Variants in ANKFN1 observed in about 807,000 individuals in gnomAD.
ANKFN1 encodes the protein ankyrin repeat and fibronectin type-III domain-containing protein 1.
A neutral mutation model predicts 108.7 loss-of-function variants in ANKFN1; 74 were observed. That is an observed-to-expected ratio of 0.68 (90% confidence interval 0.56 to 0.83). The LOEUF (loss-of-function observed/expected upper bound fraction) is 0.83, where lower values mean the gene tolerates loss of function less well. ANKFN1 is among the 40% of genes least tolerant of loss of function. The probability of loss-of-function intolerance (pLI) is 0.00; values close to 1 mark genes in which losing one functional copy is unlikely to be tolerated. For missense variants in ANKFN1, 1,505 were observed against 1,382.3 expected (o/e 1.09, Z -1.41); for synonymous variants, 547 against 516.2 (o/e 1.06, Z -0.81).
At chr17:56,219,147 T>A (rs2143852249) in intron 2 of ANKFN1, among the ~76,000 whole-genome samples, 1 of 152,332 alleles carries the variant, frequency 6.6e-6, no homozygotes, top group African/African-American at 2.4e-5. Context: ...AAATATTTGA[T>A]AAATAAATAC....
intron 2 of ANKFN1, among the ~76,000 whole-genome samples, chr17:56,220,177 G>C (rs9902365): frequency 0.74 from 112,021 of 152,176 alleles, 42,237 homozygotes; most frequent in East Asian, 0.94. Context: ...AAAGGGGGAG[G>C]TCATCACTTA....
chr17:56,193,002 C>A (rs1357063354), intron 1 of ANKFN1, among the ~76,000 whole-genome samples: 1 of 138,134 alleles, frequency 7.2e-6, no homozygotes, highest in African/African-American at 2.9e-5. Flanking sequence ...GGAACCAACC[C>A]AAATGTCCAA....
chr17:56,075,899 T>C (rs1286709164), intron 4 of ANKFN1, among the ~76,000 whole-genome samples: 1 of 152,180 alleles, frequency 6.6e-6, no homozygotes, highest in Non-Finnish European at 1.5e-5. Flanking sequence ...TTTCATCCCC[T>C]TGTACAATTT....
At chr17:56,438,013 T>C (rs1266460368) in intron 8 of ANKFN1, among the ~76,000 whole-genome samples, 1 of 151,834 alleles carries the variant, frequency 6.6e-6, no homozygotes, top group Non-Finnish European at 1.5e-5. Flanking sequence ...TGTGTATACA[T>C]ATATATGCAT....
chr17:56,199,199 TTA>T (rs774856903), intron 1 of ANKFN1, among the ~76,000 whole-genome samples: 13 of 152,060 alleles, frequency 8.5e-5, no homozygotes, highest in Admixed American at 1.3e-4. Flanking sequence ...TATAGTTGCT[TTA>T]TGTTTTTTGT....
intron 3 of ANKFN1, among the ~76,000 whole-genome samples, chr17:56,311,344 T>C (rs1303444932): frequency 1.3e-5 from 2 of 152,178 alleles, no homozygotes; most frequent in African/African-American, 4.8e-5. Flanking sequence ...AGGGTTGCTG[T>C]GGGGTTCAAA....
rs979370852 is a variant in ANKFN1, at chr17:56,170,896, A to C, written c.-71+17366A>C. ...ATATATCTAGTTACCTGCCCTTACT[A>C]CCACCGCCATACACACATACATCCC... On this transcript the variant is annotated intron_variant, in intron 1 of 20. Transcript: ENST00000682825. Among the ~76,000 whole-genome samples, 9 of 147,876 alleles carry C rather than the reference A, an allele frequency of 6.1e-5. No individual in the cohort carries two copies. In the Admixed American group the frequency reaches 6.1e-4, roughly 10 times the overall value.
chr17:56,224,626 G>A (rs1236697076), intron 2 of ANKFN1: 1 of 152,184 alleles, frequency 6.6e-6, no homozygotes, highest in Non-Finnish European at 1.5e-5. Flanking sequence ...TTTCTAATGA[G>A]TGTCAATTGT....
intron 17 of ANKFN1, 49 bp from the exon 18 acceptor site, chr17:56,482,307 T>A (rs2050734700): frequency 6.8e-7 from 1 of 1,479,684 alleles, no homozygotes; most frequent in Admixed American, 2.2e-5. Flanking sequence ...TTTATGTAAG[T>A]GCCATGTTGT....
chr17:56,052,053 G>T (rs1598083107), intron 4 of ANKFN1, among the ~76,000 whole-genome samples: 1 of 148,868 alleles, frequency 6.7e-6, no homozygotes, highest in East Asian at 2.0e-4. Context: ...TTTCTTCACA[G>T]AATTGGAAAA....
rs1361204716 is a variant in ANKFN1, at chr17:56,466,474, G to A, written c.1676G>A (p.Gly559Asp). Residue 559 changes from glycine (G) to aspartate (D), a missense_variant, in exon 15 of 21, where the codon GGC (glycine) becomes GAC (aspartate). Gly to Asp is a moderately conservative substitution (Grantham distance 94, BLOSUM62 -1). Transcript: ENST00000682825. ...EVEMLYSFFNGKWMQISKLQS... is the reference protein window; with the variant it reads ...EVEMLYSFFNDKWMQISKLQS... ...GAGATGCTTTATTCATTTTTTAATG[G>A]CAAATGGATGCAGATCTCAAAGCTG... 6.2e-7 allele frequency: 1 copy of A among 1,613,928 alleles called. No homozygotes were observed. Among genetic ancestry groups the A allele is most frequent in the Non-Finnish European group, 8.5e-7 (1 of 1,180,016 alleles).
In ANKFN1 at chr17:56,403,684, A is replaced by G. The variant is rs534490704; in HGVS notation, c.910+28970A>G. On this transcript the variant is annotated intron_variant, in intron 8 of 20. Coordinates refer to ENST00000682825, the MANE Select transcript of ANKFN1 (RefSeq NM_001370326.1). ...TGAAATATGGGGTACTGTTGCATTC[A>G]TCATGCTCTTTGGTGCCTGTGTACT... Among the ~76,000 whole-genome samples, 17 of 152,204 alleles carry G rather than the reference A, an allele frequency of 1.1e-4. No individual in the cohort carries two copies. The South Asian group carries it at 3.3e-3, about 30-fold the overall frequency.
intron 8 of ANKFN1, among the ~76,000 whole-genome samples, chr17:56,391,514 C>T (rs534751975): frequency 2.0e-5 from 3 of 151,468 alleles, no homozygotes; most frequent in East Asian, 3.9e-4. Flanking sequence ...GCAAGCTCTG[C>T]CCCTCCAGGT....
intron 3 of ANKFN1, among the ~76,000 whole-genome samples, chr17:56,247,169 T>C (rs1365290272): frequency 6.6e-6 from 1 of 152,216 alleles, no homozygotes; most frequent in Admixed American, 6.5e-5. Flanking sequence ...AAACGCTGCT[T>C]TGCAGAAAAC....
intron 2 of ANKFN1, among the ~76,000 whole-genome samples, chr17:56,221,545 C>A (rs761346266): frequency 1.3e-5 from 2 of 152,068 alleles, no homozygotes; most frequent in Non-Finnish European, 2.9e-5. Flanking sequence ...TAAGTGTATA[C>A]CAAGAACAAT....
chr17:56,449,192 G>A lies in ANKFN1; in HGVS notation c.1207+6G>A. 1 of 1,612,024 alleles carries A rather than the reference G, an allele frequency of 6.2e-7. No individual in the cohort carries two copies. Among genetic ancestry groups the A allele is most frequent in the Non-Finnish European group, 8.5e-7 (1 of 1,178,648 alleles). ...TCAGCATTACAGTTGCCGGGGTAAGGATAAAAATCTGTGCTGGGCCATCAA... is the reference window on the plus strand; with the variant it reads ...TCAGCATTACAGTTGCCGGGGTAAGAATAAAAATCTGTGCTGGGCCATCAA... On this transcript the variant is annotated splice_donor_region_variant and intron_variant, in intron 11 of 20. Transcript: ENST00000682825.
chr17:56,204,558 C>T (rs1914354806), intron 1 of ANKFN1, among the ~76,000 whole-genome samples: 1 of 151,868 alleles, frequency 6.6e-6, no homozygotes, highest in Admixed American at 6.6e-5. Flanking sequence ...CCAGGTTGGT[C>T]TCGAACTACT....
intron 6 of ANKFN1, chr17:56,368,219 T>G: frequency 5.6e-6 from 7 of 1,252,804 alleles, no homozygotes; most frequent in Non-Finnish European, 7.4e-6. Flanking sequence ...GTCTGAAATT[T>G]TTTTATCAAG....
intron 4 of ANKFN1, among the ~76,000 whole-genome samples, chr17:56,063,307 T>C (rs1045751586): frequency 6.6e-6 from 1 of 152,194 alleles, no homozygotes; most frequent in Non-Finnish European, 1.5e-5. Flanking sequence ...TCTTGTTAGA[T>C]TGGGGAAGTT....
Sources: allele counts gnomAD v4.1 joint callset (sites outside exome capture counted in the v4.1 genomes callset), GRCh38; gene constraint gnomAD v4.1.1; transcripts MANE v1.5; gene names NCBI Gene and HGNC (gene_info 2026-07-23, HGNC 2026-07-21).